The following LARGE1 variants were observed in gnomAD, a reference collection of about 807,000 sequenced individuals.
LARGE1 encodes the protein LARGE xylosyl- and glucuronyltransferase 1.
Under a neutral mutation model 87.6 loss-of-function variants are expected in LARGE1, and 43 were observed. The observed-to-expected ratio is 0.49, with a 90% CI of 0.38 to 0.63. LARGE1 has a LOEUF of 0.63. Ranked by LOEUF, LARGE1 falls within the 30% of genes least tolerant of loss-of-function variation. The probability of loss-of-function intolerance (pLI) is 0.00; values close to 1 mark genes in which losing one functional copy is unlikely to be tolerated. For missense variants in LARGE1, 802 were observed against 1,000.2 expected (o/e 0.80, Z 2.67); for synonymous variants, 434 against 394.6 (o/e 1.10, Z -1.18).
chr22:33,333,315 G>A (rs573438157), intron 10 of LARGE1, among the ~76,000 whole-genome samples: 2 of 152,298 alleles, frequency 1.3e-5, no homozygotes, highest in Middle Eastern at 3.4e-3. Flanking sequence ...ACTGTGCTGG[G>A]CCGGGGCAAT....
At chr22:33,124,483 G>C in the LARGE1 span, among the ~76,000 whole-genome samples, 8 of 152,056 alleles carry the variant, frequency 5.3e-5, no homozygotes, top group Admixed American at 5.2e-4. Context: ...TAGTGTTACT[G>C]CTCTTGCAGT....
chr22:33,617,728 C>T (rs1479059451), intron 4 of LARGE1, among the ~76,000 whole-genome samples: 1 of 152,066 alleles, frequency 6.6e-6, no homozygotes, highest in Non-Finnish European at 1.5e-5. Flanking sequence ...AAGTGTGGTC[C>T]ACAGACAGAC....
At chr22:33,432,562 A>ATCATTCATTCAT (rs10626676) in intron 6 of LARGE1, among the ~76,000 whole-genome samples, 209 of 150,424 alleles carry the variant, frequency 1.4e-3, no homozygotes, top group African/African-American at 4.8e-3. Flanking sequence ...AGAATCCCAA[A>ATCATTCATTCAT]TCATTCATTC....
intron 2 of LARGE1, among the ~76,000 whole-genome samples, chr22:33,735,844 A>C (rs2083636925): frequency 6.6e-6 from 1 of 152,130 alleles, no homozygotes; most frequent in Non-Finnish European, 1.5e-5. Context: ...TTCTATCTCT[A>C]TGGACTGGCC....
intron 6 of LARGE1, among the ~76,000 whole-genome samples, chr22:33,488,314 T>G (rs2069677631): frequency 6.6e-6 from 1 of 152,208 alleles, no homozygotes; most frequent in Non-Finnish European, 1.5e-5. Context: ...GTAAAACATT[T>G]CCATCAGTCC....
intron 3 of LARGE1, among the ~76,000 whole-genome samples, chr22:33,634,674 A>AAATAATAATAATAAT (rs139108196): frequency 2.8e-4 from 42 of 149,490 alleles, no homozygotes; most frequent in Admixed American, 2.1e-3. Context: ...AAAAATTTCA[A>AAATAATAATAATAAT]AATAATAATA....
chr22:33,284,826 T>C (rs188744663), intron 12 of LARGE1, among the ~76,000 whole-genome samples: 43 of 152,260 alleles, frequency 2.8e-4, no homozygotes, highest in African/African-American at 9.4e-4. Flanking sequence ...CCGCCCGCCT[T>C]GGCCTCCCAA....
intron 9 of LARGE1, among the ~76,000 whole-genome samples, chr22:33,370,866 T>C (rs1450526438): frequency 6.7e-6 from 1 of 149,336 alleles, no homozygotes; most frequent in African/African-American, 2.4e-5. Flanking sequence ...AATAAATTAA[T>C]AATATTCAAT....
chr22:33,540,971 T>TA (rs550737691), intron 6 of LARGE1, among the ~76,000 whole-genome samples: 3,552 of 141,656 alleles, frequency 0.025, 67 homozygotes, highest in African/African-American at 0.048. Flanking sequence ...CCATCTCTAT[T>TA]AAAAAAAAAT....
chr22:33,586,526 C>T (rs1001108194), intron 5 of LARGE1, among the ~76,000 whole-genome samples: 11 of 151,284 alleles, frequency 7.3e-5, no homozygotes, highest in East Asian at 1.9e-4. Flanking sequence ...CACGATCTCT[C>T]GGCTCACGGC....
chr22:33,508,172 C>G (rs5994762), intron 6 of LARGE1, among the ~76,000 whole-genome samples: 2,508 of 152,302 alleles, frequency 0.016, 56 homozygotes, highest in African/African-American at 0.049. Context: ...CACCGAACAA[C>G]AGAATTTCAC....
intron 1 of LARGE1, among the ~76,000 whole-genome samples, chr22:33,857,588 A>G (rs563065209): frequency 5.0e-4 from 76 of 152,380 alleles, no homozygotes; most frequent in Non-Finnish European, 9.3e-4. Context: ...CCTATTTTAA[A>G]TAGAAAATGA....
chr22:33,220,943 C>G (rs1386547030), intron 11 of LARGE1, among the ~76,000 whole-genome samples: 2 of 152,022 alleles, frequency 1.3e-5, no homozygotes, highest in African/African-American at 4.8e-5. Flanking sequence ...CTCTGATTTC[C>G]CCATTCCTCC....
At chr22:33,626,411 T>G in intron 3 of LARGE1, 85 bp from the exon 4 acceptor site, 2 of 1,025,082 alleles carry the variant, frequency 2.0e-6, no homozygotes, top group Non-Finnish European at 3.0e-6. Context: ...GAAAGAAAAA[T>G]TGCCCTGATT....
chr22:33,854,561 G>T (rs1032153221), intron 1 of LARGE1, among the ~76,000 whole-genome samples: 1 of 152,082 alleles, frequency 6.6e-6, no homozygotes, highest in Non-Finnish European at 1.5e-5. Context: ...GAGAGCACTT[G>T]ATAAATTCCA....
At chr22:33,681,529 C>T (rs2081771698) in intron 2 of LARGE1, among the ~76,000 whole-genome samples, 1 of 152,172 alleles carries the variant, frequency 6.6e-6, no homozygotes, top group Admixed American at 6.5e-5. Context: ...AGATAACATA[C>T]ATAAAGTTCT....
intron 1 of LARGE1, among the ~76,000 whole-genome samples, chr22:33,866,873 CA>C (rs1384812201): frequency 6.6e-6 from 1 of 152,090 alleles, no homozygotes; most frequent in Non-Finnish European, 1.5e-5. Flanking sequence ...TTCTAGGCAC[CA>C]GAGACATAGA....
intron 1 of LARGE1, among the ~76,000 whole-genome samples, chr22:33,851,407 C>A (rs2063579454): frequency 6.6e-6 from 1 of 152,228 alleles, no homozygotes; most frequent in South Asian, 2.1e-4. Context: ...TGCATTTCTG[C>A]CTTCTGTCAC....
At chr22:33,680,740 T>C (rs1329082872) in intron 2 of LARGE1, among the ~76,000 whole-genome samples, 4 of 152,094 alleles carry the variant, frequency 2.6e-5, no homozygotes, top group Non-Finnish European at 4.4e-5. Flanking sequence ...ATTGAGACAT[T>C]ATCCACAAGG....
Sources: allele counts gnomAD v4.1 joint callset (sites outside exome capture counted in the v4.1 genomes callset), GRCh38; gene constraint gnomAD v4.1.1; transcripts MANE v1.5; gene names NCBI Gene and HGNC (gene_info 2026-07-23, HGNC 2026-07-21).